Variants in RPS6KC1 observed in about 807,000 individuals in gnomAD.
RPS6KC1 encodes the protein inactive ribosomal protein S6 kinase delta-1.
In RPS6KC1, 54 loss-of-function variants were observed where a neutral mutation model predicts 103.8. That is an observed-to-expected ratio of 0.52 (90% CI 0.42 to 0.65). RPS6KC1 has a LOEUF of 0.65. Ranked by LOEUF, RPS6KC1 falls within the 30% of genes least tolerant of loss-of-function variation. The pLI, the probability that RPS6KC1 is intolerant of heterozygous loss-of-function variation, is 0.00. For missense variants in RPS6KC1, 1,151 were observed against 1,253.8 expected, an observed-to-expected ratio of 0.92 and a Z score of 1.24; for synonymous variants, 439 against 438.7, an observed-to-expected ratio of 1.00 and a Z score of -0.01.
At chr1:213,597,003 G>A in the RPS6KC1 span, among the ~76,000 whole-genome samples, 1 of 152,326 alleles carries the variant, frequency 6.6e-6, no homozygotes, top group South Asian at 2.1e-4. Context: ...GCCACTGTCA[G>A]CATAGACAGT....
chr1:213,799,360 T>A, the RPS6KC1 span, among the ~76,000 whole-genome samples: 1 of 152,148 alleles, frequency 6.6e-6, no homozygotes, highest in Non-Finnish European at 1.5e-5. Context: ...AGGGATGGTG[T>A]TTGTGGCCTT....
At chr1:213,726,633 C>A in the RPS6KC1 span, among the ~76,000 whole-genome samples, 1 of 152,154 alleles carries the variant, frequency 6.6e-6, no homozygotes, top group Non-Finnish European at 1.5e-5. Context: ...AATACTGCAA[C>A]CTTTCTCATC....
At chr1:213,508,579 A>G in the RPS6KC1 span, among the ~76,000 whole-genome samples, 1 of 152,058 alleles carries the variant, frequency 6.6e-6, no homozygotes, top group South Asian at 2.1e-4. Context: ...TTTGTGGGTG[A>G]TGGTTGCTGG....
intron 7 of RPS6KC1, among the ~76,000 whole-genome samples, chr1:213,168,955 T>C (rs1009773777): frequency 2.0e-5 from 3 of 152,178 alleles, no homozygotes; most frequent in African/African-American, 7.2e-5. Context: ...CTTGAAGTCA[T>C]AGAAGATTGG....
intron 8 of RPS6KC1, among the ~76,000 whole-genome samples, chr1:213,217,393 CA>C (rs1415993963): frequency 2.6e-5 from 4 of 151,952 alleles, no homozygotes; most frequent in African/African-American, 7.3e-5. Flanking sequence ...GCTTACCAAC[CA>C]AAAAAAGTCC....
chr1:213,364,230 C>T, the RPS6KC1 span, among the ~76,000 whole-genome samples: 1 of 152,156 alleles, frequency 6.6e-6, no homozygotes, highest in Non-Finnish European at 1.5e-5. Context: ...GATGGGCCAT[C>T]GTTTGTCCAC....
the RPS6KC1 span, among the ~76,000 whole-genome samples, chr1:213,362,384 G>T: frequency 6.6e-6 from 1 of 152,102 alleles, no homozygotes; most frequent in African/African-American, 2.4e-5. Context: ...CATATGCTAG[G>T]CAACATTCTA....
intron 5 of RPS6KC1, among the ~76,000 whole-genome samples, chr1:213,127,723 C>A (rs532780756): frequency 6.6e-6 from 1 of 152,164 alleles, no homozygotes; most frequent in African/African-American, 2.4e-5. Context: ...TTTCAGATAA[C>A]CTCTGTCTGC....
At chr1:213,823,748 A>ACACACACACACACAC in the RPS6KC1 span, among the ~76,000 whole-genome samples, 6 of 151,764 alleles carry the variant, frequency 4.0e-5, no homozygotes, top group African/African-American at 1.2e-4. Context: ...ACACACACAC[A>ACACACACACACACAC]CACACCACAC....
the RPS6KC1 span, among the ~76,000 whole-genome samples, chr1:213,300,861 C>G: frequency 6.6e-6 from 1 of 152,276 alleles, no homozygotes; most frequent in African/African-American, 2.4e-5. Flanking sequence ...ACCAGAGACT[C>G]TCTGATCTAA....
intron 12 of RPS6KC1, among the ~76,000 whole-genome samples, chr1:213,246,609 A>G (rs945840902): frequency 1.3e-5 from 2 of 152,214 alleles, no homozygotes; most frequent in Admixed American, 6.5e-5. Flanking sequence ...TTATTAACTT[A>G]TGATAATAAA....
At chr1:213,712,183 C>T in the RPS6KC1 span, among the ~76,000 whole-genome samples, 1 of 152,218 alleles carries the variant, frequency 6.6e-6, no homozygotes, top group Non-Finnish European at 1.5e-5. Flanking sequence ...CTGACTGGGG[C>T]TGCTGCCTTT....
the RPS6KC1 span, among the ~76,000 whole-genome samples, chr1:213,651,143 C>G: frequency 6.6e-6 from 1 of 152,080 alleles, no homozygotes; most frequent in East Asian, 1.9e-4. Context: ...TTACTTAAGA[C>G]CTTTCAACTT....
chr1:213,327,072 A>C, the RPS6KC1 span, among the ~76,000 whole-genome samples: 2 of 148,710 alleles, frequency 1.3e-5, no homozygotes, highest in African/African-American at 5.0e-5. Context: ...CTTTTTGAGA[A>C]GATGGTCAAG....
At chr1:213,311,618 C>T in the RPS6KC1 span, among the ~76,000 whole-genome samples, 2 of 151,906 alleles carry the variant, frequency 1.3e-5, no homozygotes, top group Non-Finnish European at 2.9e-5. Flanking sequence ...TTGGTGTCTA[C>T]ATGTTGGGGG....
intron 8 of RPS6KC1, among the ~76,000 whole-genome samples, chr1:213,205,774 A>G (rs777530830): frequency 2.0e-5 from 3 of 151,746 alleles, no homozygotes; most frequent in Non-Finnish European, 2.9e-5. Context: ...AGTTAAATGT[A>G]TATATTATTT....
chr1:213,327,599 A>C, the RPS6KC1 span, among the ~76,000 whole-genome samples: 1 of 151,928 alleles, frequency 6.6e-6, no homozygotes, highest in South Asian at 2.1e-4. Context: ...GTGTGTGTGC[A>C]TGTGTATGTG....
chr1:213,074,585 A>G (rs544393163), intron 2 of RPS6KC1, among the ~76,000 whole-genome samples: 2 of 152,250 alleles, frequency 1.3e-5, no homozygotes, highest in South Asian at 2.1e-4. Flanking sequence ...AAAAGGAGGC[A>G]GTGGATGTGA....
chr1:213,861,159 A>G, the RPS6KC1 span, among the ~76,000 whole-genome samples: 56 of 152,170 alleles, frequency 3.7e-4, no homozygotes, highest in Non-Finnish European at 6.6e-4. Context: ...TTAGGTTTCA[A>G]AGCAAGAAGC....
Sources: gnomAD v4.1 joint callset for allele counts (sites outside exome capture counted in the v4.1 genomes callset) on GRCh38, gnomAD v4.1.1 for gene constraint, MANE v1.5 for transcripts, NCBI Gene and HGNC (gene_info 2026-07-23, HGNC 2026-07-21) for gene names.